The following MTCL2 variants were observed in gnomAD, a reference collection of about 807,000 sequenced individuals.
The protein encoded by MTCL2 is microtubule cross-linking factor 2.
the MTCL2 span, chr20:36,859,778 C>T: frequency 1.3e-5 from 16 of 1,231,598 alleles, no homozygotes; most frequent in Admixed American, 2.5e-4. Context: ...CAACTCTGCT[C>T]CTGCAGGGGA....
the MTCL2 span, among the ~76,000 whole-genome samples, chr20:36,861,306 A>G: frequency 6.6e-6 from 1 of 152,178 alleles, no homozygotes; most frequent in Non-Finnish European, 1.5e-5. Context: ...CCAGTTGCCA[A>G]CACCGAACCC....
the MTCL2 span, among the ~76,000 whole-genome samples, chr20:36,825,196 G>A: frequency 6.6e-6 from 1 of 152,136 alleles, no homozygotes; most frequent in Admixed American, 6.6e-5. Flanking sequence ...ACCCGCCTTG[G>A]CCTCCCAAAG....
chr20:36,801,607 G>A, the MTCL2 span, among the ~76,000 whole-genome samples: 3 of 151,792 alleles, frequency 2.0e-5, no homozygotes, highest in Admixed American at 6.6e-5. Context: ...GAGGGAGTAG[G>A]CTGAAATGTA....
At chr20:36,843,929 T>G in the MTCL2 span, among the ~76,000 whole-genome samples, 1 of 152,210 alleles carries the variant, frequency 6.6e-6, no homozygotes, top group Non-Finnish European at 1.5e-5. Flanking sequence ...TTTAAATGAC[T>G]GATTTTCTTA....
At chr20:36,804,836 G>A in the MTCL2 span, 184 of 1,613,822 alleles carry the variant, frequency 1.1e-4, no homozygotes, top group Non-Finnish European at 1.4e-4. Context: ...CGTTCATCCC[G>A]GAGCAGCCAG....
chr20:36,793,771 G>A, the MTCL2 span: 3 of 1,541,244 alleles, frequency 1.9e-6, no homozygotes, highest in Admixed American at 2.0e-5. This position sits in a 1 kb window ranked among gnomAD's most constrained non-coding sequence, Gnocchi z 6.8. Context: ...AGCCATACTT[G>A]GGGGAGCAGC....
At chr20:36,777,668 AG>A in the MTCL2 span, 1 of 485,646 alleles carries the variant, frequency 2.1e-6, no homozygotes, top group African/African-American at 2.0e-5. Flanking sequence ...AGTTGGCCCA[AG>A]GATGCCCTTG....
chr20:36,808,714 C>G, the MTCL2 span: 1 of 1,603,112 alleles, frequency 6.2e-7, no homozygotes, highest in Non-Finnish European at 8.5e-7. Context: ...ACTCCCGCCT[C>G]AGGAGCGCCC....
the MTCL2 span, chr20:36,793,739 G>C: frequency 6.5e-7 from 1 of 1,542,698 alleles, no homozygotes; most frequent in South Asian, 1.2e-5. The surrounding 1 kb of genome is among the most constrained non-coding windows in gnomAD (Gnocchi z 6.8). Context: ...CTTGGACACA[G>C]ACCGCCTCTG....
the MTCL2 span, among the ~76,000 whole-genome samples, chr20:36,842,108 G>T: frequency 6.6e-6 from 1 of 152,144 alleles, no homozygotes; most frequent in Non-Finnish European, 1.5e-5. Context: ...GCTGTCATCA[G>T]CTTCCAGCTG....
chr20:36,853,232 C>T, the MTCL2 span, among the ~76,000 whole-genome samples: 1 of 152,106 alleles, frequency 6.6e-6, no homozygotes, highest in Admixed American at 6.5e-5. Flanking sequence ...CTGGACCCGC[C>T]TCTCCAATGC....
chr20:36,812,886 T>C, the MTCL2 span: 6 of 1,592,072 alleles, frequency 3.8e-6, no homozygotes, highest in Admixed American at 1.8e-5. Context: ...AAGATCACCA[T>C]GGGGAGGGGC....
the MTCL2 span, among the ~76,000 whole-genome samples, chr20:36,827,433 A>C: frequency 5.6e-4 from 74 of 132,372 alleles, no homozygotes; most frequent in African/African-American, 2.0e-3. Context: ...GTGCGATCTC[A>C]CCTCACTGCA....
At chr20:36,800,888 C>A in the MTCL2 span, among the ~76,000 whole-genome samples, 4 of 152,280 alleles carry the variant, frequency 2.6e-5, no homozygotes, top group Middle Eastern at 3.4e-3. Context: ...ATGGGCAAAG[C>A]CTTTCTAGAA....
At chr20:36,800,632 G>A in the MTCL2 span, among the ~76,000 whole-genome samples, 2 of 152,300 alleles carry the variant, frequency 1.3e-5, no homozygotes, top group South Asian at 2.1e-4. Context: ...TTTCATGAAC[G>A]TGACCTTGCA....
the MTCL2 span, among the ~76,000 whole-genome samples, chr20:36,820,905 G>A: frequency 6.6e-6 from 1 of 152,160 alleles, no homozygotes; most frequent in Non-Finnish European, 1.5e-5. Context: ...AGAAAGACCT[G>A]GAAAGATACA....
the MTCL2 span, chr20:36,797,075 A>T: frequency 4.7e-6 from 4 of 851,600 alleles, no homozygotes; most frequent in African/African-American, 1.7e-5. Context: ...GAATGATGTC[A>T]TCAATGATCT....
the MTCL2 span, among the ~76,000 whole-genome samples, chr20:36,788,085 C>T: frequency 2.0e-5 from 3 of 151,088 alleles, no homozygotes; most frequent in African/African-American, 7.3e-5. Flanking sequence ...CCTGCAGTCC[C>T]AGCTACTTGG....
chr20:36,813,134 C>G, the MTCL2 span, among the ~76,000 whole-genome samples: 1 of 152,012 alleles, frequency 6.6e-6, no homozygotes, highest in South Asian at 2.1e-4. Flanking sequence ...CCAAACTGTC[C>G]TATCACATGT....
Sources: allele counts gnomAD v4.1 joint callset (sites outside exome capture counted in the v4.1 genomes callset), GRCh38; gene constraint gnomAD v4.1.1; non-coding constraint Gnocchi (gnomAD v3.1); transcripts MANE v1.5; gene names NCBI Gene and HGNC (gene_info 2026-07-23, HGNC 2026-07-21).